SLC15A1: variants seen among roughly 807,000 people sequenced by gnomAD.
SLC15A1 encodes the protein Caco-2 oligopeptide transporter.
SLC15A1 carries 83 observed loss-of-function variants against 92.9 expected under a neutral mutation model. The ratio of observed to expected loss-of-function variants is 0.89; its 90% CI spans 0.75 to 1.07. The LOEUF (loss-of-function observed/expected upper bound fraction) is 1.07, where lower values mean the gene tolerates loss of function less well. SLC15A1 is among the 50% of genes least tolerant of loss of function. The pLI is 0.00. For synonymous variants in SLC15A1, 322 were observed against 318.2 expected (o/e 1.01, Z -0.13); for missense variants, 857 against 880.1 (o/e 0.97, Z 0.33).
intron 1 of SLC15A1, among the ~76,000 whole-genome samples, chr13:98,746,263 G>A (rs544401404): frequency 1.3e-5 from 2 of 152,180 alleles, no homozygotes; most frequent in African/African-American, 4.8e-5. Flanking sequence ...ATTTTCTTTA[G>A]TCTATCATTG....
In SLC15A1 at chr13:98,715,914, C is replaced by T; in HGVS notation, c.687G>A (p.Gln229=). Residue 229 remains glutamine (Q), a synonymous_variant, in exon 9 of 23, where the codon CAG becomes CAA. Transcript: ENST00000376503. ...GSGMYKKFKP[Q]GNIMGKVAKC... is the part of the protein sequence containing the mutation. ...TGGCCACTTTACCCATGATGTTGCC[C>T]TGTGGCTTGAACTTCTTGTACATCC... is the stretch of plus-strand genomic sequence containing the variant. 1 of 1,614,160 alleles carries T rather than the reference C, an allele frequency of 6.2e-7. No individual in the cohort carries two copies. Among genetic ancestry groups the T allele is most frequent in the Non-Finnish European group, 8.5e-7 (1 of 1,180,034 alleles).
chr13:98,720,308 A>T (rs1181610604), intron 7 of SLC15A1, among the ~76,000 whole-genome samples: 1 of 152,214 alleles, frequency 6.6e-6, no homozygotes, highest in African/African-American at 2.4e-5. Context: ...AGAGTCATGA[A>T]CTTCCTTTTA....
chr13:98,687,402 A>G (rs2087937487), intron 21 of SLC15A1, among the ~76,000 whole-genome samples, 179 bp downstream of exon 21: 1 of 152,194 alleles, frequency 6.6e-6, no homozygotes, highest in Non-Finnish European at 1.5e-5. Context: ...GACAGTAATA[A>G]TTCTTATTCA....
At chr13:98,719,198 G>C in intron 8 of SLC15A1, 39 bp downstream of exon 8, 1 of 1,470,758 alleles carries the variant, frequency 6.8e-7, no homozygotes, top group Non-Finnish European at 9.5e-7. Flanking sequence ...GGCCTGACCT[G>C]GTCCTAGGCT....
rs2088112600 is a variant in SLC15A1 at position 98,706,316 on chromosome 13, C to A, written c.1150-63G>T. ...AATACAACATGGAAAGTCATCTTAACCCTGACAAGGGGGTGCTTTCCTCCA... is the reference window on the plus strand; with the variant it reads ...AATACAACATGGAAAGTCATCTTAAACCTGACAAGGGGGTGCTTTCCTCCA... On this transcript the variant is annotated intron_variant, in intron 15 of 22. Transcript: ENST00000376503. 4 of 1,580,836 alleles carry A rather than the reference C, an allele frequency of 2.5e-6. No individual in the cohort carries two copies. The Admixed American group carries it at 7.3e-5, about 29-fold the overall frequency.
chr13:98,710,029 G>T, intron 11 of SLC15A1, 118 bp from the exon 12 acceptor site: 1 of 973,026 alleles, frequency 1.0e-6, no homozygotes, highest in Non-Finnish European at 1.6e-6. Flanking sequence ...GGGATTTAAA[G>T]TTGTTTTAAA....
intron 4 of SLC15A1, 139 bp downstream of exon 4, chr13:98,725,984 G>A: frequency 1.8e-6 from 2 of 1,107,458 alleles, no homozygotes; most frequent in African/African-American, 1.6e-5. Flanking sequence ...GGGATTACAG[G>A]TATGAACCAT....
At chr13:98,688,642 A>C (rs1402643989) in intron 18 of SLC15A1, 65 bp from the exon 19 acceptor site, 4 of 1,184,546 alleles carry the variant, frequency 3.4e-6, no homozygotes, top group African/African-American at 3.0e-5. Context: ...GTCACAGTAC[A>C]TGCACCTGAA....
chr13:98,721,753 C>A (rs1289491581), intron 6 of SLC15A1, 51 bp downstream of exon 6: 13 of 1,550,024 alleles, frequency 8.4e-6, no homozygotes, highest in Non-Finnish European at 1.2e-5. Flanking sequence ...GCCTCTGACT[C>A]CTGGATGTGT....
chr13:98,696,317 G>A (rs539232061), intron 18 of SLC15A1, among the ~76,000 whole-genome samples: 3 of 105,378 alleles, frequency 2.8e-5, no homozygotes, highest in Non-Finnish European at 5.7e-5. Flanking sequence ...GGAAGGCTGA[G>A]GCAGGATAAT....
chr13:98,706,712 C>T (rs540036637), intron 15 of SLC15A1, among the ~76,000 whole-genome samples: 6 of 152,286 alleles, frequency 3.9e-5, no homozygotes, highest in African/African-American at 1.4e-4. Context: ...TGACGCTTCC[C>T]CAGCCATGTG....
At chr13:98,730,004 A>G (rs1013302440) in intron 1 of SLC15A1, among the ~76,000 whole-genome samples, 1 of 152,012 alleles carries the variant, frequency 6.6e-6, no homozygotes, top group Admixed American at 6.6e-5. Context: ...CAGGAGTTGG[A>G]GACCAGCCTG....
At chr13:98,735,742 T>C (rs1462622494) in intron 1 of SLC15A1, among the ~76,000 whole-genome samples, 2 of 152,158 alleles carry the variant, frequency 1.3e-5, no homozygotes, top group African/African-American at 2.4e-5. Flanking sequence ...CCATTCACAA[T>C]TGCTTCAAAG....
intron 1 of SLC15A1, 146 bp downstream of exon 1, chr13:98,752,449 C>T (rs1441643644): frequency 3.9e-6 from 3 of 769,474 alleles, no homozygotes. Context: ...CCGGGCGCCC[C>T]GCAACCTCCC....
rs534555752 is a variant in SLC15A1 at position 98,737,542 on chromosome 13, G to T, written c.5-10683C>A. Among the ~76,000 whole-genome samples, 3 of 152,100 alleles carry T rather than the reference G, an allele frequency of 2.0e-5. No homozygotes were observed. The East Asian group carries it at 5.8e-4, about 29-fold the overall frequency. On this transcript the variant is annotated intron_variant, in intron 1 of 22. Coordinates refer to ENST00000376503, the MANE Select transcript of SLC15A1 (RefSeq NM_005073.4). ...TGTAGCAGCCTCCCCCTCCCCTCACGCCTGCTTTTGCCATGTGACATGCCT... is the reference window on the plus strand; with the variant it reads ...TGTAGCAGCCTCCCCCTCCCCTCACTCCTGCTTTTGCCATGTGACATGCCT...
chr13:98,716,265 A>G (rs2088210631), intron 8 of SLC15A1, among the ~76,000 whole-genome samples: 1 of 152,188 alleles, frequency 6.6e-6, no homozygotes, highest in Admixed American at 6.5e-5. Context: ...TTCTATCTCT[A>G]TTTAAAGGGA....
chr13:98,684,641 C>G lies in SLC15A1; in HGVS notation c.*83G>C. 1 of 994,100 alleles carries G rather than the reference C, an allele frequency of 1.0e-6. No homozygotes were observed. Among genetic ancestry groups the G allele is most frequent in the Non-Finnish European group, 1.5e-6 (1 of 653,240 alleles). The allele number at this position is 994,100 out of a possible 1,614,324, so 61.6% of individuals were successfully genotyped here. A position where few individuals can be genotyped will look rare whatever the true frequency, so the allele number is the denominator to read the frequency against. The stretch of plus-strand genomic sequence containing the variant: ...TTCTGAAGTCTTCCTCATCAGGGGC[C>G]ATCCAATGGAGTGTCCTGCTACCTG... On this transcript the variant is annotated 3_prime_UTR_variant, in exon 23 of 23. Coordinates refer to ENST00000376503, the MANE Select transcript of SLC15A1 (RefSeq NM_005073.4).
chr13:98,742,475 G>A (rs532147943), intron 1 of SLC15A1, among the ~76,000 whole-genome samples: 14 of 152,316 alleles, frequency 9.2e-5, no homozygotes, highest in Non-Finnish European at 1.9e-4. Context: ...ACAGCTCCTG[G>A]TCAGTGTAGG....
Position 98,726,433 on chromosome 13 carries a change from G to A in SLC15A1, c.38C>T (p.Pro13Leu). 6.2e-7 allele frequency: 1 copy of A among 1,613,974 alleles called. No individual in the cohort carries two copies. Among genetic ancestry groups the A allele is most frequent in the South Asian group, 1.1e-5 (1 of 91,054 alleles). ...GACCACGATGAAGAAGATGCTCAGG[G>A]GATAACCAAAGAAACTCTGACAAAA... ...MSKSHSFFGYPLSIFFIVVNE... is the reference protein window; with the variant it reads ...MSKSHSFFGYLLSIFFIVVNE... Residue 13 changes from proline to leucine, a missense_variant, in exon 3 of 23, where the codon CCC (proline) becomes CTC (leucine). Physicochemically the swap from Pro to Leu is moderately conservative, Grantham distance 98. Transcript: ENST00000376503.
Sources: gnomAD v4.1 joint callset for allele counts (sites outside exome capture counted in the v4.1 genomes callset) on GRCh38, gnomAD v4.1.1 for gene constraint, MANE v1.5 for transcripts, NCBI Gene and HGNC (gene_info 2026-07-23, HGNC 2026-07-21) for gene names.